Variants in ADARB2 observed in about 807,000 individuals in gnomAD.
ADARB2 encodes adenosine deaminase RNA specific B2 (inactive).
A neutral mutation model predicts 62.2 loss-of-function variants in ADARB2; 25 were observed. The ratio of observed to expected loss-of-function variants is 0.40; its 90% confidence interval spans 0.29 to 0.56. The LOEUF (loss-of-function observed/expected upper bound fraction) is 0.56. Ranked by LOEUF, ADARB2 falls within the 20% of genes least tolerant of loss-of-function variation. ADARB2 has a pLI of 0.43. For missense variants in ADARB2, 1,071 were observed against 1,077.4 expected, an observed-to-expected ratio of 0.99 and a Z score of 0.08; for synonymous variants, 572 against 500.8, an observed-to-expected ratio of 1.14 and a Z score of -1.90.
At chr10:1,491,154 C>T (rs1028606010) in intron 1 of ADARB2, among the ~76,000 whole-genome samples, 1 of 152,162 alleles carries the variant, frequency 6.6e-6, no homozygotes, top group Non-Finnish European at 1.5e-5. Context: ...CTCACACAAG[C>T]CTCAACCAGG....
chr10:1,663,490 C>T (rs1031465019), intron 1 of ADARB2, among the ~76,000 whole-genome samples: 1 of 152,174 alleles, frequency 6.6e-6, no homozygotes, highest in East Asian at 1.9e-4. Flanking sequence ...TTACTGTCCG[C>T]GTAGTTTCGC....
chr10:1,725,229 T>C (rs757272034), intron 1 of ADARB2, among the ~76,000 whole-genome samples: 1 of 152,124 alleles, frequency 6.6e-6, no homozygotes, highest in Non-Finnish European at 1.5e-5. Flanking sequence ...TTAGTGAATA[T>C]ATTTTGCCTG....
chr10:1,505,758 G>T, intron 1 of ADARB2, among the ~76,000 whole-genome samples: 1 of 140,188 alleles, frequency 7.1e-6, no homozygotes, highest in Non-Finnish European at 1.6e-5. Context: ...CATGGCAGCC[G>T]CCTCCCCATG....
At chr10:1,595,166 A>G (rs1441283715) in intron 1 of ADARB2, among the ~76,000 whole-genome samples, 1 of 152,222 alleles carries the variant, frequency 6.6e-6, no homozygotes, top group Non-Finnish European at 1.5e-5. Context: ...CCGCATGGAT[A>G]ATCTTTGAGC....
At chr10:1,659,683 G>C (rs984296434) in intron 1 of ADARB2, among the ~76,000 whole-genome samples, 5 of 152,366 alleles carry the variant, frequency 3.3e-5, no homozygotes, top group Admixed American at 6.5e-5. Context: ...GGTAGCTCCT[G>C]CTGGGCCCTG....
intron 3 of ADARB2, among the ~76,000 whole-genome samples, chr10:1,300,018 T>C (rs1193094204): frequency 6.6e-6 from 1 of 152,112 alleles, no homozygotes; most frequent in East Asian, 1.9e-4. Context: ...CAGAGGTCCT[T>C]TTCCTTGGTT....
At chr10:1,702,245 G>A (rs938434621) in intron 1 of ADARB2, among the ~76,000 whole-genome samples, 4 of 152,228 alleles carry the variant, frequency 2.6e-5, no homozygotes, top group African/African-American at 9.6e-5. Flanking sequence ...ACTCATCATT[G>A]TAGCACTCTG....
At chr10:1,381,336 A>G (rs979517946) in intron 1 of ADARB2, among the ~76,000 whole-genome samples, 11 of 152,398 alleles carry the variant, frequency 7.2e-5, no homozygotes, top group African/African-American at 2.4e-4. Flanking sequence ...TCATTAGGGA[A>G]GTGCAAATCC....
chr10:1,475,322 T>C (rs1831384815), intron 1 of ADARB2, among the ~76,000 whole-genome samples: 1 of 152,218 alleles, frequency 6.6e-6, no homozygotes, highest in Admixed American at 6.5e-5. Flanking sequence ...TGCGCACCTT[T>C]TCCCCTTGGG....
At chr10:1,335,374 G>A (rs1272100968) in intron 3 of ADARB2, among the ~76,000 whole-genome samples, 2 of 151,074 alleles carry the variant, frequency 1.3e-5, no homozygotes, top group Non-Finnish European at 2.9e-5. Context: ...AAGGAGGGAT[G>A]AAGGGAGAAA....
rs549959317 is a variant in ADARB2, at chr10:1,562,803, G to GC, written c.100+174247dup. ...CAGCCAAGGTCAGGCCTTTGCCCTT[G>GC]CAGGGGTGTGGGGAGGCCACTGCAT... is the stretch of plus-strand genomic sequence containing the variant. On this transcript the variant is annotated intron_variant, in intron 1 of 9. Coordinates refer to ENST00000381312, the MANE Select transcript of ADARB2 (RefSeq NM_018702.4). Among the ~76,000 whole-genome samples, 1,037 of 152,350 alleles carry GC rather than the reference G, an allele frequency of 6.8e-3. 8 individuals are homozygous for GC. The highest frequency in any genetic ancestry group is 0.024 in the African/African-American group (984 of 41,576).
intron 2 of ADARB2, among the ~76,000 whole-genome samples, chr10:1,372,928 C>T (rs762859376): frequency 2.2e-4 from 33 of 152,070 alleles, no homozygotes; most frequent in Non-Finnish European, 4.3e-4. Context: ...GGTTTAGCAT[C>T]TAACCAAGGA....
At chr10:1,428,084 C>T (rs753773638) in intron 1 of ADARB2, among the ~76,000 whole-genome samples, 3 of 151,396 alleles carry the variant, frequency 2.0e-5, no homozygotes, top group Non-Finnish European at 2.9e-5. Context: ...GATTCTTGTG[C>T]CTCAGCCTCC....
At chr10:1,369,088 C>T (rs970150907) in intron 2 of ADARB2, among the ~76,000 whole-genome samples, 15 of 152,214 alleles carry the variant, frequency 9.9e-5, no homozygotes, top group South Asian at 2.1e-4. Context: ...ACAGCTTTAA[C>T]GCCGACTTTA....
chr10:1,705,816 A>C (rs1240799300), intron 1 of ADARB2, among the ~76,000 whole-genome samples: 1 of 152,098 alleles, frequency 6.6e-6, no homozygotes, highest in African/African-American at 2.4e-5. Flanking sequence ...GGACAATGAG[A>C]GGTATACTTG....
At chr10:1,414,018 C>T (rs1003415071) in intron 1 of ADARB2, among the ~76,000 whole-genome samples, 4 of 152,148 alleles carry the variant, frequency 2.6e-5, no homozygotes, top group South Asian at 4.1e-4. Flanking sequence ...GGGCTCTATT[C>T]GTTCTTCAGA....
chr10:1,366,820 A>C (rs1832317953), intron 2 of ADARB2, among the ~76,000 whole-genome samples: 1 of 152,224 alleles, frequency 6.6e-6, no homozygotes, highest in South Asian at 2.1e-4. Context: ...AGGCAAGAAC[A>C]CACAGGCTTC....
In ADARB2 at chr10:1,703,637, C is replaced by T. The variant is rs367771357; in HGVS notation, c.100+33414G>A. On this transcript the variant is annotated intron_variant, in intron 1 of 9. Transcript: ENST00000381312. ...ATAAAACAGATTATTAGCTGTTTAG[C>T]ATAATAATCTTAAAATGATTAATTG... is the stretch of plus-strand genomic sequence containing the variant. Among the ~76,000 whole-genome samples, 4 of 152,308 alleles carry T rather than the reference C, an allele frequency of 2.6e-5. No individual in the cohort carries two copies. In the East Asian group the frequency reaches 5.8e-4, roughly 22 times the overall value.
At chr10:1,313,402 G>A (rs1352936381) in intron 3 of ADARB2, among the ~76,000 whole-genome samples, 1 of 152,206 alleles carries the variant, frequency 6.6e-6, no homozygotes, top group Non-Finnish European at 1.5e-5. Context: ...ATGTTCATGA[G>A]GCCTCACTGA....
Sources: allele counts gnomAD v4.1 joint callset (sites outside exome capture counted in the v4.1 genomes callset), GRCh38; gene constraint gnomAD v4.1.1; transcripts MANE v1.5; gene names NCBI Gene and HGNC (gene_info 2026-07-23, HGNC 2026-07-21).